ANO9: variants seen among roughly 807,000 people sequenced by gnomAD.
ANO9 encodes the protein anoctamin 9.
ANO9 carries 80 observed loss-of-function variants against 100.5 expected under a neutral mutation model. The ratio of observed to expected loss-of-function variants is 0.80; its 90% CI spans 0.66 to 0.96. ANO9 has a LOEUF of 0.96. Ranked by LOEUF, ANO9 falls within the 40% of genes least tolerant of loss-of-function variation. The pLI is 0.00. For synonymous variants in ANO9, 473 were observed against 435.6 expected (o/e 1.09, Z -1.07); for missense variants, 1,064 against 1,072.7 (o/e 0.99, Z 0.11).
rs1849067056 is a variant in ANO9, at chr11:432,179, G to T, written c.351-125C>A. On this transcript the variant is annotated intron_variant, in intron 4 of 22. Coordinates refer to ENST00000332826, the MANE Select transcript of ANO9 (RefSeq NM_001012302.3). The surrounding 1 kb of genome is among the most constrained non-coding windows in gnomAD (Gnocchi z 4.8). ...TCCTGGCAGAGCCCCCAGCCTGCCA[G>T]CCCTGACCAGAGCCCAGAATCCACA... 3 of 1,046,730 alleles carry T rather than the reference G, an allele frequency of 2.9e-6. No homozygotes were observed. Among genetic ancestry groups the T allele is most frequent in the Non-Finnish European group, 4.2e-6 (3 of 715,486 alleles). The allele number at this position is 1,046,730 out of a possible 1,614,324, so 64.8% of individuals were successfully genotyped here. A position where few individuals can be genotyped will look rare whatever the true frequency, so the allele number is the denominator to read the frequency against.
Position 429,625 on chromosome 11 carries a change from C to G in ANO9, c.860G>C (p.Arg287Pro). Residue 287 changes from arginine (R) to proline (P), a missense_variant, in exon 11 of 23, where the codon CGG becomes CCG. Physicochemically the swap from Arg to Pro is moderately radical, Grantham distance 103. Coordinates refer to ENST00000332826, the MANE Select transcript of ANO9 (RefSeq NM_001012302.3). ...WATVFLEIWK[R>P]QRARVVLHWD... The stretch of plus-strand genomic sequence containing the variant: ...GTGCAGGACCACGCGGGCGCGCTGC[C>G]GCTTCCAGATCTCCAGGAACACCGT... The G allele has an allele frequency of 6.2e-7, 1 of 1,612,600 alleles. No homozygotes were observed. Among genetic ancestry groups the G allele is most frequent in the East Asian group, 2.2e-5 (1 of 44,876 alleles).
intron 1 of ANO9, among the ~76,000 whole-genome samples, chr11:438,830 G>A (rs1446855692): frequency 3.3e-5 from 5 of 152,038 alleles, no homozygotes; most frequent in African/African-American, 7.2e-5. Context: ...AGATGTCTGG[G>A]ACCCCCATGT....
intron 15 of ANO9, among the ~76,000 whole-genome samples, chr11:424,592 C>T (rs1468532952): frequency 2.0e-5 from 3 of 152,184 alleles, no homozygotes; most frequent in Non-Finnish European, 4.4e-5. Context: ...CAAGAAAAAT[C>T]AATTCAGTTC....
chr11:428,503 T>C lies in ANO9; in HGVS notation c.1157A>G (p.His386Arg). The part of the protein sequence containing the change: ...TAVVVTGALV[H>R]YVTIIIMTKI... ...GGTCATGATGATGATGGTCACATAGTGCACCAGAGCCCCGGTCACCACCAC... is the reference window on the plus strand; with the variant it reads ...GGTCATGATGATGATGGTCACATAGCGCACCAGAGCCCCGGTCACCACCAC... The change falls in exon 13 of 23, where the codon CAC becomes CGC. Residue 386 changes from histidine to arginine, a missense_variant. By Grantham distance (29) the His-to-Arg change is conservative (BLOSUM62 0). Transcript: ENST00000332826. The C allele has an allele frequency of 6.2e-7, 1 of 1,612,608 alleles. No individual in the cohort carries two copies.
At chr11:436,645 G>A (rs909850295) in intron 1 of ANO9, among the ~76,000 whole-genome samples, 34 of 147,792 alleles carry the variant, frequency 2.3e-4, no homozygotes, top group Admixed American at 1.4e-4. Flanking sequence ...GTGAGCAGGA[G>A]GTGAGCAGGG....
Position 430,369 on chromosome 11 carries a change from C to T in ANO9, c.574G>A (p.Val192Ile), listed in dbSNP as rs377188275. 29 of 1,605,656 alleles carry T rather than the reference C, an allele frequency of 1.8e-5. No homozygotes were observed. Among genetic ancestry groups the T allele is most frequent in the Non-Finnish European group, 2.3e-5 (27 of 1,178,216 alleles). ...ATGTAGGTGTACCAGCCCAGCCAGA[C>T]GAAGTACAGGGCCACCTTTTCCCCA... ...YFGEKVALYF[V>I]WLGWYTYMLV... The change falls in exon 8 of 23, where the codon GTC becomes ATC. Residue 192 changes from valine to isoleucine, a missense_variant. Val to Ile is a conservative substitution (Grantham distance 29). Transcript: ENST00000332826.
At chr11:426,598 T>C (rs1263126803) in intron 15 of ANO9, among the ~76,000 whole-genome samples, 1 of 152,060 alleles carries the variant, frequency 6.6e-6, no homozygotes, top group East Asian at 1.9e-4. Flanking sequence ...AAAAATAAAA[T>C]GACAGGCTGC....
Position 425,886 on chromosome 11 carries a change from G to A in ANO9, c.1334+2202C>T, listed in dbSNP as rs548853101. ...TGGGACTACAGGTGCCCGCCACCAC[G>A]CCCGGCTAATTTTTTGTATTTTTTT... On this transcript the variant is annotated intron_variant, in intron 15 of 22. Transcript: ENST00000332826. Among the ~76,000 whole-genome samples, 10 of 145,360 alleles carry A rather than the reference G, an allele frequency of 6.9e-5. No homozygotes were observed. In the South Asian group the frequency reaches 1.9e-3, roughly 28 times the overall value.
rs2133684103 is a variant in ANO9 at position 423,415 on chromosome 11, G to T, written c.1335-2217C>A. On this transcript the variant is annotated intron_variant, in intron 15 of 22. Coordinates refer to ENST00000332826, the MANE Select transcript of ANO9 (RefSeq NM_001012302.3). Reference sequence around the variant, plus strand: ...TGATGGGGATGGTTAGTCAATCAATGGTTTGGGGACAACTGGGTGCCATTT... The same window carrying T: ...TGATGGGGATGGTTAGTCAATCAATTGTTTGGGGACAACTGGGTGCCATTT... Among the ~76,000 whole-genome samples the T allele has an allele frequency of 2.6e-5, 4 of 152,276 alleles. 1 individual carries two copies. In the Middle Eastern group the frequency reaches 0.014, roughly 518 times the overall value.
chr11:429,143 C>T (rs1379323289), intron 11 of ANO9, among the ~76,000 whole-genome samples: 8 of 125,706 alleles, frequency 6.4e-5, no homozygotes, highest in Admixed American at 1.6e-4. Flanking sequence ...TGGACAGACA[C>T]GGGACACTCA....
rs770277126 is a variant in ANO9 at position 428,661 on chromosome 11, C to CG, written c.1021-23dup. 3.7e-6 allele frequency: 6 copies of CG among 1,607,230 alleles called. No homozygotes were observed. The African/African-American group carries it at 8.0e-5, about 21-fold the overall frequency. ...AGATCTGCGGGACAGCTGTGGTGGGCGGGGGCCGGGGAGGGCATGCAGCCC... is the reference window on the plus strand; with the variant it reads ...AGATCTGCGGGACAGCTGTGGTGGGCGGGGGGCCGGGGAGGGCATGCAGCCC... On this transcript the variant is annotated intron_variant, in intron 12 of 22. Transcript: ENST00000332826.
At chr11:427,439 C>T (rs942004904) in intron 15 of ANO9, among the ~76,000 whole-genome samples, 1 of 152,156 alleles carries the variant, frequency 6.6e-6, no homozygotes, top group Non-Finnish European at 1.5e-5. Context: ...AATCCATATG[C>T]ACCTTTTTTT....
At chr11:429,249 A>T (rs868080051) in intron 11 of ANO9, among the ~76,000 whole-genome samples, 2 of 72,468 alleles carry the variant, frequency 2.8e-5, no homozygotes, top group East Asian at 9.1e-4. Context: ...ACAGGGACAC[A>T]CCTCACGGGT....
rs541877272 is a variant in ANO9, at chr11:430,249, C to G, written c.674+20G>C. The G allele has an allele frequency of 3.2e-6, 5 of 1,554,594 alleles. No homozygotes were observed. Among genetic ancestry groups the G allele is most frequent in the Non-Finnish European group, 4.3e-6 (5 of 1,149,812 alleles). On this transcript the variant is annotated intron_variant, in intron 8 of 22. Transcript: ENST00000332826. Reference sequence around the variant, plus strand: ...AGGGCCCACCCCGGCCCCCCATGCCCGGCCCCTGCTGCGGCCCACCTGATC... The same window carrying G: ...AGGGCCCACCCCGGCCCCCCATGCCGGGCCCCTGCTGCGGCCCACCTGATC...
chr11:418,687 C>A (rs1266218897), intron 22 of ANO9, 33 bp downstream of exon 22: 1 of 1,612,096 alleles, frequency 6.2e-7, no homozygotes, highest in African/African-American at 1.3e-5. Context: ...ACTGCCCAGA[C>A]CCACTCCGAG....
intron 15 of ANO9, among the ~76,000 whole-genome samples, chr11:427,164 A>C (rs765768073): frequency 2.0e-5 from 3 of 152,194 alleles, no homozygotes; most frequent in Non-Finnish European, 4.4e-5. Context: ...AGCCTGGCCA[A>C]CATGGTGAAA....
At position 430,323 on chromosome 11, in the gene ANO9, G is replaced by A. The variant is rs149538516; in HGVS notation, c.620C>T (p.Thr207Met). 25 of 1,609,394 alleles carry A rather than the reference G, an allele frequency of 1.6e-5. No homozygotes were observed. The highest frequency in any genetic ancestry group is 1.6e-4 in the Middle Eastern group (1 of 6,074). ...TCCGCTCAGAAAGACTAAGAGGCCC[G>A]TCAGGGCGGCCGGCACCAGCATGTA... The part of the protein sequence containing the change: ...YTYMLVPAAL[T>M]GLLVFLSGFS... Residue 207 changes from threonine (T) to methionine (M), a missense_variant, in exon 8 of 23, where the codon ACG becomes ATG. Transcript: ENST00000332826.
chr11:426,254 C>T (rs1428441161), intron 15 of ANO9, among the ~76,000 whole-genome samples: 1 of 152,106 alleles, frequency 6.6e-6, no homozygotes, highest in African/African-American at 2.4e-5. Context: ...CATCCCAGCA[C>T]GTGGGGACAC....
chr11:439,949 C>T (rs1050209685), intron 1 of ANO9, among the ~76,000 whole-genome samples: 5 of 152,198 alleles, frequency 3.3e-5, no homozygotes, highest in Non-Finnish European at 5.9e-5. Context: ...GCGTGGCGTT[C>T]GTGGACGCAG....
Sources: gnomAD v4.1 joint callset for allele counts (sites outside exome capture counted in the v4.1 genomes callset) on GRCh38, gnomAD v4.1.1 for gene constraint, Gnocchi (gnomAD v3.1) non-coding constraint, MANE v1.5 for transcripts, NCBI Gene and HGNC (gene_info 2026-07-23, HGNC 2026-07-21) for gene names.